Variants in SDHAF4 observed in about 807,000 individuals in gnomAD.
The protein encoded by SDHAF4 is succinate dehydrogenase assembly factor 4, mitochondrial.
In SDHAF4, 14 loss-of-function variants were observed where a neutral mutation model predicts 14.3. That is an observed-to-expected ratio of 0.98 (90% CI 0.65 to 1.53). The LOEUF is 1.53. SDHAF4 is among the 40% of genes most tolerant of loss of function. The pLI is 0.00. For missense variants in SDHAF4, 141 were observed against 129.3 expected (o/e 1.09, Z -0.44); for synonymous variants, 63 against 47.3 (o/e 1.33, Z -1.36).
At chr6:70,588,531 A>C in intron 2 of SDHAF4, 84 bp from the exon 3 acceptor site, 4 of 623,656 alleles carry the variant, frequency 6.4e-6, no homozygotes, top group Non-Finnish European at 1.1e-5. Flanking sequence ...AAAAATAATA[A>C]ATAAATAAAT....
chr6:70,581,783 A>AT (rs1562057901), intron 2 of SDHAF4, among the ~76,000 whole-genome samples: 2 of 152,040 alleles, frequency 1.3e-5, no homozygotes, highest in African/African-American at 2.4e-5. Flanking sequence ...AATTTAAAAA[A>AT]TTTTTTTGTA....
chr6:70,576,640 C>G (rs1802258984), intron 1 of SDHAF4, among the ~76,000 whole-genome samples: 1 of 152,092 alleles, frequency 6.6e-6, no homozygotes, highest in Non-Finnish European at 1.5e-5. Flanking sequence ...GTAGTGATGA[C>G]TAGAATATGA....
At chr6:70,594,635 G>A in the SDHAF4 span, among the ~76,000 whole-genome samples, 734 of 152,114 alleles carry the variant, frequency 4.8e-3, 2 homozygotes, top group Middle Eastern at 0.024. Flanking sequence ...TTTTTCAGCC[G>A]GGTGCAATGG....
At chr6:70,570,306 A>G (rs1484089765) in intron 1 of SDHAF4, among the ~76,000 whole-genome samples, 1 of 152,126 alleles carries the variant, frequency 6.6e-6, no homozygotes, top group Non-Finnish European at 1.5e-5. Flanking sequence ...GCAAATGGTG[A>G]CAGTCTAGTT....
Position 70,568,962 on chromosome 6 carries a change from C to CTTTTTTTTTTTTTTTTTTTTTTT in SDHAF4, c.64+1979_64+1980insTTTTTTTTTTTTTTTTTTTTTTT, listed in dbSNP as rs5877254. 1.0e-3 allele frequency among the ~76,000 whole-genome samples: 99 copies of CTTTTTTTTTTTTTTTTTTTTTTT among 97,994 alleles called. 2 individuals are homozygous for CTTTTTTTTTTTTTTTTTTTTTTT. The highest frequency in any genetic ancestry group is 4.0e-3 in the African/African-American group (96 of 23,730). 64.3% of individuals were successfully genotyped at this position (97,994 alleles called of 152,430 possible). Reference sequence around the variant, plus strand: ...TTTGTGAAATACCTCTTTCTTTTTTCTTTTTTTTTTTTTTTTTTTTTGAGG... The same window carrying CTTTTTTTTTTTTTTTTTTTTTTT: ...TTTGTGAAATACCTCTTTCTTTTTTCTTTTTTTTTTTTTTTTTTTTTTTTTTTTTTTTTTTTTTTTTTTTGAGG... On this transcript the variant is annotated intron_variant, in intron 1 of 2. Transcript: ENST00000370474.
At chr6:70,568,962 C>CTT (rs5877254) in intron 1 of SDHAF4, among the ~76,000 whole-genome samples, 15,150 of 97,886 alleles carry the variant, frequency 0.15, 1,908 homozygotes, top group Middle Eastern at 0.2. Context: ...TTTCTTTTTT[C>CTT]TTTTTTTTTT....
downstream of SDHAF4, among the ~76,000 whole-genome samples, chr6:70,590,784 T>C (rs376772786): frequency 6.0e-4 from 91 of 152,166 alleles, no homozygotes; most frequent in African/African-American, 2.0e-3. Context: ...GGCTCTTCAA[T>C]AGGAGAGAGA....
chr6:70,586,428 CTTTTTT>C (rs70990316), intron 2 of SDHAF4, among the ~76,000 whole-genome samples: 4 of 80,304 alleles, frequency 5.0e-5, no homozygotes, highest in African/African-American at 2.0e-4. Flanking sequence ...ATTTGTTTGC[CTTTTTT>C]TTTTTTTTTT....
In SDHAF4 at chr6:70,567,351, GA is replaced by G. The variant is rs376336966; in HGVS notation, c.64+351del. On this transcript the variant is annotated intron_variant, in intron 1 of 2. Transcript: ENST00000370474. The stretch of plus-strand genomic sequence containing the variant: ...CACTTCGATGCCCCAGAGAAAAATG[GA>G]AAAGAAGGCCCTTTGGGAATGGGAG... 5.7e-3 allele frequency: 1,643 copies of G among 287,008 alleles called. 9 individuals carry two copies. The highest frequency in any genetic ancestry group is 7.5e-3 in the Non-Finnish European group (1,165 of 154,946). The allele number at this position is 287,008 out of a possible 1,614,324, so 17.8% of individuals were successfully genotyped here.
chr6:70,584,990 T>C (rs144959190), intron 2 of SDHAF4, among the ~76,000 whole-genome samples: 3 of 152,254 alleles, frequency 2.0e-5, no homozygotes, highest in Non-Finnish European at 4.4e-5. Flanking sequence ...GTAAATGGTA[T>C]AGAATTCCAA....
At chr6:70,568,974 T>C (rs1328784801) in intron 1 of SDHAF4, among the ~76,000 whole-genome samples, 1 of 142,220 alleles carries the variant, frequency 7.0e-6, no homozygotes, top group Admixed American at 7.0e-5. Flanking sequence ...TTTTTTTTTT[T>C]TTTTTTTTTG....
rs750174372 is a variant in SDHAF4 at position 70,579,422 on chromosome 6, C to T, written c.73C>T (p.Leu25Phe). Residue 25 changes from leucine to phenylalanine, a missense_variant, in exon 2 of 3, where the codon CTT (leucine) becomes TTT (phenylalanine). Transcript: ENST00000370474. ...TATCTCCACTCTTCTAGGATCACCC[C>T]TTCTGTGTCATTCTCTGAGGAAAAC... Reference protein sequence around the residue: ...ATAWRAARSPLLCHSLRKTSS... With the variant: ...ATAWRAARSPFLCHSLRKTSS... The T allele has an allele frequency of 6.3e-7, 1 of 1,598,310 alleles. No homozygotes were observed. Among genetic ancestry groups the T allele is most frequent in the South Asian group, 1.1e-5 (1 of 88,408 alleles).
Position 70,588,614 on chromosome 6 carries a change from G to A in SDHAF4, c.218-1G>A, listed in dbSNP as rs1765229439. Reference sequence around the variant, plus strand: ...CTTTATTTATATCTCGTTTTCCTTAGAATTTCCAGATGATGTTAATCCAGT... The same window carrying A: ...CTTTATTTATATCTCGTTTTCCTTAAAATTTCCAGATGATGTTAATCCAGT... On this transcript the variant is annotated splice_acceptor_variant, in intron 2 of 2. Transcript: ENST00000370474. LOFTEE classifies it high-confidence loss of function. 1 of 1,562,980 alleles carries A rather than the reference G, an allele frequency of 6.4e-7. No individual in the cohort carries two copies. Among genetic ancestry groups the A allele is most frequent in the East Asian group, 2.2e-5 (1 of 44,580 alleles).
At chr6:70,593,643 G>A (rs986559720), downstream of SDHAF4, among the ~76,000 whole-genome samples, 12 of 152,210 alleles carry the variant, frequency 7.9e-5, no homozygotes, top group African/African-American at 2.7e-4. Flanking sequence ...TTCACAGGAT[G>A]CCAGCATGGA....
intron 1 of SDHAF4, among the ~76,000 whole-genome samples, chr6:70,567,859 G>A (rs1014036641): frequency 2.0e-5 from 3 of 152,018 alleles, no homozygotes; most frequent in Non-Finnish European, 4.4e-5. Flanking sequence ...CTAATTTTTT[G>A]TATTTTTAGT....
At chr6:70,575,724 T>TGAGA (rs1356238981) in intron 1 of SDHAF4, among the ~76,000 whole-genome samples, 2,937 of 129,094 alleles carry the variant, frequency 0.023, 82 homozygotes, top group African/African-American at 0.1. Context: ...TGTGTGTGTG[T>TGAGA]GTGAGAGAGA....
At chr6:70,597,724 T>C in the SDHAF4 span, among the ~76,000 whole-genome samples, 4 of 152,224 alleles carry the variant, frequency 2.6e-5, no homozygotes, top group Non-Finnish European at 5.9e-5. Context: ...CTCTGTGGGA[T>C]ATTTATTAAT....
At chr6:70,582,303 G>A (rs1434001838) in intron 2 of SDHAF4, among the ~76,000 whole-genome samples, 1 of 151,958 alleles carries the variant, frequency 6.6e-6, no homozygotes, top group South Asian at 2.1e-4. Flanking sequence ...GGGCTCAAAC[G>A]ATCTTCCCAC....
chr6:70,589,238 C>T lies in SDHAF4; in HGVS notation c.*514C>T, dbSNP rs1765237134. ...GGAGTGGAGTGGCACTATCCCAACT[C>T]ACTGCAACTTCCGCCCCGCCAGGTT... On this transcript the variant is annotated 3_prime_UTR_variant, in exon 3 of 3. Transcript: ENST00000370474. 6.6e-6 allele frequency: 1 copy of T among 152,170 alleles called. No individual in the cohort carries two copies. Among genetic ancestry groups the T allele is most frequent in the East Asian group, 1.9e-4 (1 of 5,178 alleles). The allele number at this position is 152,170 out of a possible 1,614,324, so 9.4% of individuals were successfully genotyped here.
Sources: gnomAD v4.1 joint callset for allele counts (sites outside exome capture counted in the v4.1 genomes callset) on GRCh38, gnomAD v4.1.1 for gene constraint, MANE v1.5 for transcripts, NCBI Gene and HGNC (gene_info 2026-07-23, HGNC 2026-07-21) for gene names.